The following DCTN1 variants were observed in gnomAD, a reference collection of about 807,000 sequenced individuals.
DCTN1 encodes the protein dynactin subunit 1.
In DCTN1, 61 loss-of-function variants were observed where a neutral mutation model predicts 161.2. That is an observed-to-expected ratio of 0.38 (90% CI 0.31 to 0.47). DCTN1 has a LOEUF of 0.47. DCTN1 is among the 20% of genes least tolerant of loss of function. The pLI is 0.99. For missense variants in DCTN1, 1,404 were observed against 1,623.7 expected (o/e 0.86, Z 2.33); for synonymous variants, 653 against 632.4 (o/e 1.03, Z -0.49).
chr2:74,366,508 C>T lies in DCTN1; in HGVS notation c.2579G>A (p.Gly860Glu), dbSNP rs746871781. ...TTCCTCCAGAGCAGCCACAAGTAGC[C>T]CCTCATTCTCTGCCAGTGGGGCAAT... ...QLIAPLAENE[G>E]LLVAALEELA... Residue 860 changes from glycine to glutamate, a missense_variant, in exon 22 of 32, where the codon GGG (glycine) becomes GAG (glutamate). By Grantham distance (98) the Gly-to-Glu change is moderately conservative (BLOSUM62 -2). Transcript: ENST00000628224. 1 of 1,614,202 alleles carries T rather than the reference C, an allele frequency of 6.2e-7. No homozygotes were observed. Among genetic ancestry groups the T allele is most frequent in the South Asian group, 1.1e-5 (1 of 91,084 alleles).
intron 1 of DCTN1, among the ~76,000 whole-genome samples, chr2:74,389,584 G>A (rs1487183700): frequency 6.6e-6 from 1 of 152,134 alleles, no homozygotes; most frequent in East Asian, 1.9e-4. Context: ...GTACCCTCAT[G>A]GTCAGTCAGG....
chr2:74,363,554 C>A lies in DCTN1; in HGVS notation c.3211+60G>T, dbSNP rs1313366023. The A allele has an allele frequency of 3.7e-6, 6 of 1,605,564 alleles. No homozygotes were observed. The East Asian group carries it at 1.3e-4, about 36-fold the overall frequency. ...TCCAGTCCTGGCTTCCCCCTCCACC[C>A]TGCTCCCTTAGCTCCAACTCCCACC... On this transcript the variant is annotated intron_variant, in intron 27 of 31. Coordinates refer to ENST00000628224, the MANE Select transcript of DCTN1 (RefSeq NM_004082.5).
In DCTN1 at chr2:74,376,701, A is replaced by G. The variant is rs764714856; in HGVS notation, c.414+41T>C. 1.9e-6 allele frequency: 3 copies of G among 1,582,416 alleles called. No individual in the cohort carries two copies. The South Asian group carries it at 3.4e-5, about 18-fold the overall frequency. ...TGCAGGACAGCTGGGGAAGGGGCTCATGGCCCCCATCCACCCAGGCACAAA... is the reference window on the plus strand; with the variant it reads ...TGCAGGACAGCTGGGGAAGGGGCTCGTGGCCCCCATCCACCCAGGCACAAA... On this transcript the variant is annotated intron_variant, in intron 5 of 31. Transcript: ENST00000628224.
chr2:74,389,769 G>A (rs1211124032), intron 1 of DCTN1, among the ~76,000 whole-genome samples: 1 of 152,154 alleles, frequency 6.6e-6, no homozygotes, highest in East Asian at 1.9e-4. Flanking sequence ...CTACCTCGTA[G>A]GAATATTAGA....
chr2:74,374,214 C>T (rs1444957964), intron 6 of DCTN1, 109 bp downstream of exon 6: 1 of 1,256,566 alleles, frequency 8.0e-7, no homozygotes, highest in Admixed American at 1.9e-5. Flanking sequence ...CACCCGCCTC[C>T]CCGACCAGGT....
At chr2:74,384,390 C>G (rs1182713335), upstream of DCTN1, among the ~76,000 whole-genome samples, 1 of 152,158 alleles carries the variant, frequency 6.6e-6, no homozygotes, top group Non-Finnish European at 1.5e-5. Flanking sequence ...AGGCCCATAT[C>G]CCATAGGACA....
chr2:74,371,957 G>A, intron 7 of DCTN1: 3 of 555,608 alleles, frequency 5.4e-6, no homozygotes, highest in Non-Finnish European at 9.7e-6. Flanking sequence ...GGAGGCAGAG[G>A]AGAGAGGGAG....
At position 74,369,012 on chromosome 2, in the gene DCTN1, C is replaced by A. The variant is rs1674632332; in HGVS notation, c.1701+86G>T. On this transcript the variant is annotated intron_variant, in intron 15 of 31. Transcript: ENST00000628224. This position sits in a 1 kb window ranked among gnomAD's most constrained non-coding sequence, Gnocchi z 4.9. ...GAGTCTTCCAAACCACCACACAAAG[C>A]ACCCCTTCCCCCAGGAATCTGAAGC... The A allele has an allele frequency of 1.3e-6, 2 of 1,560,706 alleles. No individual in the cohort carries two copies. Among genetic ancestry groups the A allele is most frequent in the Non-Finnish European group, 1.8e-6 (2 of 1,134,610 alleles).
chr2:74,371,418 T>C, intron 8 of DCTN1, 119 bp downstream of exon 8: 3 of 1,276,150 alleles, frequency 2.4e-6, no homozygotes, highest in Non-Finnish European at 3.3e-6. Flanking sequence ...GGCTATGTCC[T>C]CACCCTTTCT....
chr2:74,376,959 C>T (rs1675262844), intron 4 of DCTN1, among the ~76,000 whole-genome samples, 197 bp from the exon 5 acceptor site: 1 of 152,218 alleles, frequency 6.6e-6, no homozygotes, highest in South Asian at 2.1e-4. Flanking sequence ...CCACCTCACA[C>T]ACATCCTGCA....
chr2:74,369,907 T>A lies in DCTN1; in HGVS notation c.1392+58A>T. 6.5e-7 allele frequency: 1 copy of A among 1,544,232 alleles called. No individual in the cohort carries two copies. ...CCCTGCTCAAAGGCCAAGGGTCACATGTCAATCTTTTTCTCAGCAGGTCCA... is the reference window on the plus strand; with the variant it reads ...CCCTGCTCAAAGGCCAAGGGTCACAAGTCAATCTTTTTCTCAGCAGGTCCA... On this transcript the variant is annotated intron_variant, in intron 13 of 31. Transcript: ENST00000628224. The surrounding 1 kb of genome is among the most constrained non-coding windows in gnomAD (Gnocchi z 4.9).
rs1242220597 is a variant in DCTN1 at position 74,374,330 on chromosome 2, G to A, written c.425C>T (p.Ala142Val). Residue 142 changes from alanine (A) to valine (V), a missense_variant, in exon 6 of 32, where the codon GCC becomes GTC. Transcript: ENST00000628224. ...RGLKPKKAPT[A>V]RKTTTRRPKP... ...GAGAGCAAGCAAGAGTACCTTTCGG[G>A]CTGTCGGTGCCTGTCTCATCATTGC... The A allele has an allele frequency of 4.3e-6, 7 of 1,613,608 alleles. No individual in the cohort carries two copies. The highest frequency in any genetic ancestry group is 2.7e-5 in the African/African-American group (2 of 74,872).
intron 1 of DCTN1, chr2:74,391,169 C>T (rs954816980): frequency 6.5e-6 from 1 of 153,610 alleles, no homozygotes; most frequent in Non-Finnish European, 1.4e-5. Context: ...CTCTTCGCCT[C>T]TCGGTACCTT....
intron 2 of DCTN1, 59 bp from the exon 3 acceptor site, chr2:74,377,785 G>C: frequency 6.5e-7 from 1 of 1,539,602 alleles, no homozygotes; most frequent in African/African-American, 1.4e-5. Flanking sequence ...ATCAAGGACG[G>C]CTGTAATATG....
In DCTN1 at chr2:74,377,472, G is replaced by A. The variant is rs374167619; in HGVS notation, c.359-6C>T. 8.7e-6 allele frequency: 14 copies of A among 1,612,656 alleles called. No homozygotes were observed. Among genetic ancestry groups the A allele is most frequent in the Non-Finnish European group, 1.0e-5 (12 of 1,178,802 alleles). On this transcript the variant is annotated splice_polypyrimidine_tract_variant and splice_region_variant and intron_variant, in intron 3 of 31. Transcript: ENST00000628224. Reference sequence around the variant, plus strand: ...TGCAGTTGTATCAGTTCCCTCTGTAGAAAGCAAACAGAAACAAAGTGTGTA... The same window carrying A: ...TGCAGTTGTATCAGTTCCCTCTGTAAAAAGCAAACAGAAACAAAGTGTGTA...
At chr2:74,364,287 C>CA (rs1336930165) in intron 26 of DCTN1, 3 of 158,848 alleles carry the variant, frequency 1.9e-5, no homozygotes, top group African/African-American at 7.2e-5. Flanking sequence ...GTGTCAGTAA[C>CA]AGAGACTTTG....
chr2:74,369,486 C>T lies in DCTN1; in HGVS notation c.1398G>A (p.Ala466=), dbSNP rs371253917. 7.4e-6 allele frequency: 12 copies of T among 1,612,622 alleles called. No homozygotes were observed. The highest frequency in any genetic ancestry group is 4.0e-5 in the African/African-American group (3 of 74,912). ...GCAGCTCATCGTTCATCTCATTCAT[C>T]GCTTCCTAGGACACCACACCATAGT... The part of the protein sequence containing the change: ...ELRETVGDLE[A]MNEMNDELQE... The change falls in exon 14 of 32, where the codon GCG becomes GCA. Residue 466 remains alanine, a synonymous_variant. Transcript: ENST00000628224. This position sits in a 1 kb window ranked among gnomAD's most constrained non-coding sequence, Gnocchi z 4.9.
rs533691355 is a variant in DCTN1 at position 74,361,325 on chromosome 2, G to A, written c.*174C>T. 9.9e-6 allele frequency: 9 copies of A among 909,750 alleles called. No individual in the cohort carries two copies. The highest frequency in any genetic ancestry group is 6.6e-5 in the African/African-American group (4 of 61,068). The allele number at this position is 909,750 out of a possible 1,614,324, so 56.4% of individuals were successfully genotyped here. On this transcript the variant is annotated 3_prime_UTR_variant, in exon 32 of 32. Transcript: ENST00000628224. Reference sequence around the variant, plus strand: ...GCAGAGGCCAGGGAATGGGAGTGGGGGAACCCGGGTCAAGGTGAAGGGGCA... The same window carrying A: ...GCAGAGGCCAGGGAATGGGAGTGGGAGAACCCGGGTCAAGGTGAAGGGGCA...
In DCTN1 at chr2:74,367,731, C is replaced by T; in HGVS notation, c.2149G>A (p.Val717Met). The stretch of plus-strand genomic sequence containing the variant: ...TTGATGGCCTTGGTGAGAGGCTCCA[C>T]ATTGACAGTCTCATCCAGCTGATCC... ...HKDQLDETVN[V>M]EPLTKAIKYY... Residue 717 changes from valine to methionine, a missense_variant, in exon 18 of 32, where the codon GTG becomes ATG. By Grantham distance (21) the Val-to-Met change is conservative. Coordinates refer to ENST00000628224, the MANE Select transcript of DCTN1 (RefSeq NM_004082.5). 6 of 1,614,212 alleles carry T rather than the reference C, an allele frequency of 3.7e-6. No individual in the cohort carries two copies. Among genetic ancestry groups the T allele is most frequent in the South Asian group, 1.1e-5 (1 of 91,086 alleles).
Sources: gnomAD v4.1 joint callset for allele counts (sites outside exome capture counted in the v4.1 genomes callset) on GRCh38, gnomAD v4.1.1 for gene constraint, Gnocchi (gnomAD v3.1) non-coding constraint, MANE v1.5 for transcripts, NCBI Gene and HGNC (gene_info 2026-07-23, HGNC 2026-07-21) for gene names.